Variants in DNAH14 observed in about 807,000 individuals in gnomAD.
DNAH14 encodes dynein axonemal heavy chain 14.
DNAH14 carries 478 observed loss-of-function variants against 520.9 expected under a neutral mutation model. That is an observed-to-expected ratio of 0.92 (90% CI 0.85 to 0.99). The LOEUF is 0.99. DNAH14 is among the 50% of genes least tolerant of loss of function. The probability of loss-of-function intolerance (pLI) is 0.00; values close to 1 mark genes in which losing one functional copy is unlikely to be tolerated. For synonymous variants in DNAH14, 1,581 were observed against 1,757.2 expected, an observed-to-expected ratio of 0.90 and a Z score of 2.51; for missense variants, 4,831 against 5,234.5, an observed-to-expected ratio of 0.92 and a Z score of 2.38.
chr1:225,175,676 A>T (rs2083235864), intron 36 of DNAH14, among the ~76,000 whole-genome samples: 3 of 138,908 alleles, frequency 2.2e-5, no homozygotes, highest in African/African-American at 5.3e-5. Flanking sequence ...TAGTTTCTTG[A>T]GGTGTAAGTG....
At chr1:225,049,770 CTACCTATCTATCTAT>C (rs2068344710) in intron 15 of DNAH14, among the ~76,000 whole-genome samples, 1 of 116,370 alleles carries the variant, frequency 8.6e-6, no homozygotes, top group African/African-American at 3.4e-5. Context: ...GTCTATCTAT[CTACCTATCTATCTAT>C]CTATCTATCT....
chr1:225,030,743 C>T (rs114185620), intron 11 of DNAH14, among the ~76,000 whole-genome samples: 4,108 of 151,972 alleles, frequency 0.027, 79 homozygotes, highest in Non-Finnish European at 0.038. Flanking sequence ...GTGAATCTGT[C>T]CTTCCACCAA....
rs560318579 is a variant in DNAH14 at position 225,081,601 on chromosome 1, A to G, written c.3136+853A>G. On this transcript the variant is annotated intron_variant, in intron 19 of 85. Coordinates refer to ENST00000682510, the MANE Select transcript of DNAH14 (RefSeq NM_001367479.1). Reference sequence around the variant, plus strand: ...CTAGACTGGCAAAAACTAAAGTTACACTCTTGACCTTCTATTAATCAGGTC... The same window carrying G: ...CTAGACTGGCAAAAACTAAAGTTACGCTCTTGACCTTCTATTAATCAGGTC... Among the ~76,000 whole-genome samples, 210 of 152,312 alleles carry G rather than the reference A, an allele frequency of 1.4e-3. 2 individuals carry two copies. Among genetic ancestry groups the G allele is most frequent in the South Asian group, 6.4e-3 (31 of 4,828 alleles).
At chr1:225,269,799 C>T (rs1252891210) in intron 49 of DNAH14, among the ~76,000 whole-genome samples, 3 of 152,094 alleles carry the variant, frequency 2.0e-5, no homozygotes, top group Non-Finnish European at 2.9e-5. Flanking sequence ...GTTAGAATGG[C>T]GATCATTAAA....
At chr1:224,942,364 G>A (rs2059480768) in intron 1 of DNAH14, among the ~76,000 whole-genome samples, 1 of 152,200 alleles carries the variant, frequency 6.6e-6, no homozygotes, top group Admixed American at 6.5e-5. Context: ...TGTATCCTGG[G>A]ACTTTGCTGA....
intron 60 of DNAH14, among the ~76,000 whole-genome samples, chr1:225,312,820 T>C (rs1467631275): frequency 6.6e-6 from 1 of 152,252 alleles, no homozygotes; most frequent in African/African-American, 2.4e-5. Context: ...GATAAGCTTT[T>C]TAATGTGCTG....
At chr1:225,304,494 G>T (rs1226490620) in intron 57 of DNAH14, among the ~76,000 whole-genome samples, 1 of 152,078 alleles carries the variant, frequency 6.6e-6, no homozygotes, top group Non-Finnish European at 1.5e-5. Context: ...AGAGTTTGAG[G>T]CTACGTGAGC....
At chr1:225,147,004 G>A (rs2080009639) in intron 30 of DNAH14, 100 bp from the exon 31 acceptor site, 1 of 962,800 alleles carries the variant, frequency 1.0e-6, no homozygotes, top group East Asian at 2.7e-5. Context: ...CCTTTGCTTG[G>A]TTTGGGTAGC....
At chr1:225,302,396 T>G (rs1039038285) in intron 56 of DNAH14, among the ~76,000 whole-genome samples, 1 of 152,198 alleles carries the variant, frequency 6.6e-6, no homozygotes, top group Non-Finnish European at 1.5e-5. Context: ...TGCCTTTTAG[T>G]CTTCTTTCAG....
chr1:225,337,223 A>T, intron 66 of DNAH14, 43 bp from the exon 67 acceptor site: 1 of 1,472,000 alleles, frequency 6.8e-7, no homozygotes, highest in South Asian at 1.2e-5. Flanking sequence ...AAAGATGTGA[A>T]GACATTTACA....
At chr1:225,231,486 C>G (rs1453449747) in intron 42 of DNAH14, among the ~76,000 whole-genome samples, 1 of 151,968 alleles carries the variant, frequency 6.6e-6, no homozygotes, top group African/African-American at 2.4e-5. Context: ...TGTTTTTAAG[C>G]TTTAATTTTT....
At chr1:225,385,924 C>A (rs1310792798) in intron 81 of DNAH14, among the ~76,000 whole-genome samples, 4 of 152,182 alleles carry the variant, frequency 2.6e-5, no homozygotes, top group Non-Finnish European at 5.9e-5. Flanking sequence ...ATTGCCAAGA[C>A]AATCCTAAGC....
intron 66 of DNAH14, among the ~76,000 whole-genome samples, chr1:225,335,370 T>C (rs1443289600): frequency 1.9e-5 from 1 of 53,514 alleles, no homozygotes; most frequent in Non-Finnish European, 3.5e-5. Flanking sequence ...CACGTGTACA[T>C]GTGTGTGTAT....
At chr1:225,373,412 C>T (rs148382724) in intron 77 of DNAH14, among the ~76,000 whole-genome samples, 1,517 of 151,632 alleles carry the variant, frequency 0.01, 25 homozygotes, top group African/African-American at 0.034. Context: ...TTGCAGTGAG[C>T]CGAGGTCGCG....
chr1:225,320,167 G>C (rs973050385), intron 61 of DNAH14, among the ~76,000 whole-genome samples: 2 of 152,156 alleles, frequency 1.3e-5, no homozygotes, highest in African/African-American at 4.8e-5. Context: ...CTGATACCAA[G>C]CTTCCTGGCT....
In DNAH14 at chr1:225,377,308, T is replaced by C; in HGVS notation, c.12588T>C (p.Asp4196=). The C allele has an allele frequency of 6.5e-7, 1 of 1,550,374 alleles. No individual in the cohort carries two copies. Among genetic ancestry groups the C allele is most frequent in the African/African-American group, 1.4e-5 (1 of 73,144 alleles). Residue 4196 remains aspartate, a synonymous_variant, in exon 79 of 86, where the codon GAT becomes GAC. Coordinates refer to ENST00000682510, the MANE Select transcript of DNAH14 (RefSeq NM_001367479.1). ...ACATTATCCAGTCCTTACCTGATGA[T>C]GACCTTCCCGAGGTCTTAGGAATAC... ...YIHIIQSLPD[D]DLPEVLGIHP... is the part of the protein sequence containing the mutation.
At chr1:225,038,641 T>G in intron 11 of DNAH14, 53 bp from the exon 12 acceptor site, 2 of 1,482,608 alleles carry the variant, frequency 1.3e-6, no homozygotes, top group African/African-American at 2.9e-5. Flanking sequence ...TCTTTATATA[T>G]GTAGATATAA....
At chr1:225,098,894 AG>A (rs1475705405) in intron 22 of DNAH14, among the ~76,000 whole-genome samples, 8 of 152,208 alleles carry the variant, frequency 5.3e-5, no homozygotes, top group African/African-American at 1.4e-4. Context: ...TCTATCTAAT[AG>A]GTCTAAAGAA....
At chr1:225,220,020 CAT>C (rs2089881907) in intron 41 of DNAH14, among the ~76,000 whole-genome samples, 1 of 152,138 alleles carries the variant, frequency 6.6e-6, no homozygotes, top group African/African-American at 2.4e-5. Flanking sequence ...AATCAATAAA[CAT>C]AATACATCAC....
Sources: gnomAD v4.1 joint callset for allele counts (sites outside exome capture counted in the v4.1 genomes callset) on GRCh38, gnomAD v4.1.1 for gene constraint, MANE v1.5 for transcripts, NCBI Gene and HGNC (gene_info 2026-07-23, HGNC 2026-07-21) for gene names.